FBXL7: variants seen among roughly 807,000 people sequenced by gnomAD.
FBXL7 encodes F-box/LRR-repeat protein 7.
Under a neutral mutation model 38.3 loss-of-function variants are expected in FBXL7, and 12 were observed. That is an observed-to-expected ratio of 0.31 (90% confidence interval 0.20 to 0.51). FBXL7 has a LOEUF of 0.51. Ranked by LOEUF, FBXL7 falls within the 20% of genes least tolerant of loss-of-function variation. The probability of loss-of-function intolerance (pLI) is 0.98; values close to 1 mark genes in which losing one functional copy is unlikely to be tolerated. For synonymous variants in FBXL7, 297 were observed against 300.9 expected, an observed-to-expected ratio of 0.99 and a Z score of 0.13; for missense variants, 567 against 676.4, an observed-to-expected ratio of 0.84 and a Z score of 1.79.
intron 1 of FBXL7, among the ~76,000 whole-genome samples, chr5:15,584,405 C>T (rs923578785): frequency 6.6e-6 from 1 of 152,120 alleles, no homozygotes; most frequent in African/African-American, 2.4e-5. Flanking sequence ...AATTTCAGAC[C>T]ATTTCTCTCA....
At chr5:15,573,728 ATCAGTAC>A (rs1203132434) in intron 1 of FBXL7, among the ~76,000 whole-genome samples, 1 of 152,216 alleles carries the variant, frequency 6.6e-6, no homozygotes, top group Non-Finnish European at 1.5e-5. Context: ...GCTTCAGCCA[ATCAGTAC>A]TCAGGAGTAA....
At chr5:15,535,229 C>T (rs1330879846) in intron 1 of FBXL7, among the ~76,000 whole-genome samples, 3 of 151,888 alleles carry the variant, frequency 2.0e-5, no homozygotes, top group South Asian at 2.1e-4. Context: ...TGAAAAAAAG[C>T]GAAATAATAC....
intron 2 of FBXL7, among the ~76,000 whole-genome samples, chr5:15,657,635 ACCAGCCTGG>A (rs1315370136): frequency 1.3e-5 from 2 of 152,076 alleles, no homozygotes; most frequent in African/African-American, 4.8e-5. Context: ...TGAGTTCGAG[ACCAGCCTGG>A]CCAACATGGT....
intron 2 of FBXL7, among the ~76,000 whole-genome samples, chr5:15,836,168 A>G (rs893505096): frequency 2.0e-5 from 3 of 152,194 alleles, no homozygotes; most frequent in Non-Finnish European, 4.4e-5. Context: ...ATTGTACCAT[A>G]TTCTATCAGG....
At chr5:15,779,578 CG>C (rs1736941154) in intron 2 of FBXL7, among the ~76,000 whole-genome samples, 1 of 152,030 alleles carries the variant, frequency 6.6e-6, no homozygotes, top group Admixed American at 6.6e-5. Context: ...AGTTGTGGTT[CG>C]GTTCACAGTC....
At chr5:15,618,208 G>A (rs1404732188) in intron 2 of FBXL7, among the ~76,000 whole-genome samples, 1 of 152,098 alleles carries the variant, frequency 6.6e-6, no homozygotes, top group Non-Finnish European at 1.5e-5. Flanking sequence ...TCTGAGGGTA[G>A]AATCAGGCGA....
chr5:15,735,504 A>G (rs1333878279), intron 2 of FBXL7, among the ~76,000 whole-genome samples: 1 of 152,184 alleles, frequency 6.6e-6, no homozygotes, highest in Non-Finnish European at 1.5e-5. Flanking sequence ...TGGAGAGGAA[A>G]CATCAACTGA....
At chr5:15,780,322 G>GA in intron 2 of FBXL7, among the ~76,000 whole-genome samples, 1 of 151,960 alleles carries the variant, frequency 6.6e-6, no homozygotes, top group African/African-American at 2.4e-5. Context: ...GTAGCACCCA[G>GA]AAAAAAGAAA....
intron 2 of FBXL7, among the ~76,000 whole-genome samples, chr5:15,924,437 T>A (rs1310987795): frequency 6.6e-6 from 1 of 152,022 alleles, no homozygotes; most frequent in Non-Finnish European, 1.5e-5. Flanking sequence ...ATAGAAGGTA[T>A]GTCCATCATC....
intron 2 of FBXL7, among the ~76,000 whole-genome samples, chr5:15,780,984 A>G (rs1736975655): frequency 6.6e-6 from 1 of 152,090 alleles, no homozygotes; most frequent in South Asian, 2.1e-4. Context: ...AAAGTTTGTG[A>G]TCTCATTATC....
At chr5:15,637,620 G>A (rs1454889653) in intron 2 of FBXL7, among the ~76,000 whole-genome samples, 1 of 152,152 alleles carries the variant, frequency 6.6e-6, no homozygotes, top group Non-Finnish European at 1.5e-5. Context: ...TTTGTGCCAG[G>A]CATGGTTTTA....
At chr5:15,805,647 A>G (rs1408069718) in intron 2 of FBXL7, among the ~76,000 whole-genome samples, 1 of 152,162 alleles carries the variant, frequency 6.6e-6, no homozygotes, top group African/African-American at 2.4e-5. Context: ...CAAAGGCCTT[A>G]TTCAACCCCT....
At chr5:15,802,197 C>A (rs1484186943) in intron 2 of FBXL7, among the ~76,000 whole-genome samples, 1 of 152,144 alleles carries the variant, frequency 6.6e-6, no homozygotes, top group Non-Finnish European at 1.5e-5. Flanking sequence ...ATCATCCCTT[C>A]CCTCCTTTGG....
At chr5:15,654,880 A>G (rs1041850837) in intron 2 of FBXL7, among the ~76,000 whole-genome samples, 2 of 152,240 alleles carry the variant, frequency 1.3e-5, no homozygotes, top group Non-Finnish European at 2.9e-5. Flanking sequence ...GGTTCTGATT[A>G]TAAGTCTCTA....
chr5:15,778,353 G>T (rs1166083549), intron 2 of FBXL7, among the ~76,000 whole-genome samples: 1 of 151,946 alleles, frequency 6.6e-6, no homozygotes, highest in Non-Finnish European at 1.5e-5. Context: ...CAAATTTCCT[G>T]CTCCTCAACA....
chr5:15,897,271 G>C (rs970425043), intron 2 of FBXL7, among the ~76,000 whole-genome samples: 2 of 152,110 alleles, frequency 1.3e-5, no homozygotes, highest in Admixed American at 1.3e-4. Context: ...GCAAGAGATA[G>C]AAAGAAAGAT....
chr5:15,554,288 T>C lies in FBXL7; in HGVS notation c.37+53575T>C, dbSNP rs1486905479. 2.0e-5 allele frequency among the ~76,000 whole-genome samples: 3 copies of C among 152,238 alleles called. No homozygotes were observed. The East Asian group carries it at 5.9e-4, about 30-fold the overall frequency. The stretch of plus-strand genomic sequence containing the variant: ...TGGAATGGGAAGTCCATGGTCTTTA[T>C]ATCCTTCCTCACTCTATATCTCCCC... On this transcript the variant is annotated intron_variant, in intron 1 of 3. Transcript: ENST00000504595.
chr5:15,787,410 G>T (rs1486696881), intron 2 of FBXL7, among the ~76,000 whole-genome samples: 1 of 152,170 alleles, frequency 6.6e-6, no homozygotes, highest in Non-Finnish European at 1.5e-5. Context: ...TAAAGAAGAT[G>T]AAGGCAAGCC....
intron 2 of FBXL7, among the ~76,000 whole-genome samples, chr5:15,725,024 C>G (rs1449803782): frequency 1.3e-5 from 2 of 152,260 alleles, no homozygotes; most frequent in Admixed American, 6.5e-5. Context: ...TTTTCTTGAT[C>G]CCTGTCAGTA....
Sources: allele counts gnomAD v4.1 joint callset (sites outside exome capture counted in the v4.1 genomes callset), GRCh38; gene constraint gnomAD v4.1.1; transcripts MANE v1.5; gene names NCBI Gene and HGNC (gene_info 2026-07-23, HGNC 2026-07-21).